The following FAM227A variants were observed in gnomAD, a reference collection of about 807,000 sequenced individuals.
FAM227A encodes the protein family with sequence similarity 227 member A.
FAM227A carries 80 observed loss-of-function variants against 74.7 expected under a neutral mutation model. The observed-to-expected ratio is 1.07, with a 90% confidence interval of 0.89 to 1.29. The LOEUF (loss-of-function observed/expected upper bound fraction) is 1.29, where lower values mean the gene tolerates loss of function less well. FAM227A is among the 50% of genes most tolerant of loss of function. The pLI, the probability that FAM227A is intolerant of heterozygous loss-of-function variation, is 0.00. For synonymous variants in FAM227A, 237 were observed against 241.8 expected, an observed-to-expected ratio of 0.98 and a Z score of 0.19; for missense variants, 654 against 683.4, an observed-to-expected ratio of 0.96 and a Z score of 0.48.
At position 38,656,388 on chromosome 22, in the gene FAM227A, T is replaced by A. The variant is rs1054837228; in HGVS notation, c.-363A>T. 1 of 152,352 alleles carries A rather than the reference T, an allele frequency of 6.6e-6. No individual in the cohort carries two copies. The highest frequency in any genetic ancestry group is 1.5e-5 in the Non-Finnish European group (1 of 68,166). 9.4% of individuals were successfully genotyped at this position (152,352 alleles called of 1,614,324 possible). A position where few individuals can be genotyped will look rare whatever the true frequency, so the allele number is the denominator to read the frequency against. ...AATGGAACCTTCGTGAGCCGCCGCG[T>A]TGTCCGCGAGATGCCGTTTCTATGG... On this transcript the variant is annotated 5_prime_UTR_variant, in exon 1 of 17. Coordinates refer to ENST00000535113, the MANE Select transcript of FAM227A (RefSeq NM_001013647.2).
intron 3 of FAM227A, among the ~76,000 whole-genome samples, chr22:38,642,893 A>C (rs2092146272): frequency 6.6e-6 from 1 of 151,992 alleles, no homozygotes; most frequent in Non-Finnish European, 1.5e-5. Flanking sequence ...TCCAGATTGC[A>C]CCACTGCACT....
chr22:38,626,891 A>AAAATATATATAT (rs1555966996), intron 8 of FAM227A, among the ~76,000 whole-genome samples: 2 of 57,684 alleles, frequency 3.5e-5, no homozygotes, highest in African/African-American at 1.8e-4. Context: ...AAAAAAAAAA[A>AAAATATATATAT]ATATATATAT....
Position 38,645,498 on chromosome 22 carries a change from C to G in FAM227A, c.225+65G>C, listed in dbSNP as rs2092217931. ...GAGAGGCCCCAGGGCACTGCAACAC[C>G]TTGATGATCCCCGGGGCCCTTCCCT... On this transcript the variant is annotated intron_variant, in intron 3 of 16. Coordinates refer to ENST00000535113, the MANE Select transcript of FAM227A (RefSeq NM_001013647.2). 5.5e-6 allele frequency: 6 copies of G among 1,085,244 alleles called. No homozygotes were observed. The East Asian group carries it at 1.3e-4, about 23-fold the overall frequency. The allele number at this position is 1,085,244 out of a possible 1,614,324, so 67.2% of individuals were successfully genotyped here.
At chr22:38,637,517 C>T (rs977769570) in intron 5 of FAM227A, among the ~76,000 whole-genome samples, 5 of 152,158 alleles carry the variant, frequency 3.3e-5, no homozygotes, top group African/African-American at 4.8e-5. Context: ...AACTAATTAC[C>T]GCCACCCAAA....
chr22:38,617,326 T>C (rs1332700533), intron 11 of FAM227A, among the ~76,000 whole-genome samples: 1 of 148,348 alleles, frequency 6.7e-6, no homozygotes, highest in East Asian at 2.0e-4. Context: ...GACAGAGTCT[T>C]GCTCCGTCAC....
intron 1 of FAM227A, among the ~76,000 whole-genome samples, chr22:38,653,291 T>C (rs373397884): frequency 9.2e-5 from 14 of 152,162 alleles, no homozygotes; most frequent in African/African-American, 3.1e-4. Context: ...CTCCCACTGA[T>C]TCTACATTAT....
intron 16 of FAM227A, among the ~76,000 whole-genome samples, chr22:38,587,173 A>G (rs1430407807): frequency 6.6e-6 from 1 of 152,244 alleles, no homozygotes; most frequent in African/African-American, 2.4e-5. Context: ...TAAAAACAAG[A>G]AACATCTCAA....
intron 10 of FAM227A, among the ~76,000 whole-genome samples, chr22:38,620,532 G>A (rs528023925): frequency 7.2e-5 from 11 of 152,222 alleles, no homozygotes; most frequent in Middle Eastern, 3.4e-3. Flanking sequence ...GGGCCGGCGC[G>A]GTGGCTCACG....
chr22:38,595,646 C>T (rs916557724), intron 15 of FAM227A, among the ~76,000 whole-genome samples: 1 of 152,180 alleles, frequency 6.6e-6, no homozygotes, highest in African/African-American at 2.4e-5. Context: ...GAAAGACAAA[C>T]ATGTGCTCTT....
chr22:38,641,500 G>A (rs1388345246), intron 3 of FAM227A, among the ~76,000 whole-genome samples: 2 of 148,198 alleles, frequency 1.3e-5, no homozygotes, highest in African/African-American at 5.0e-5. Flanking sequence ...GCAGTGAGCT[G>A]AGATCGCACC....
chr22:38,640,064 C>T (rs1206444197), intron 3 of FAM227A, among the ~76,000 whole-genome samples: 2 of 151,610 alleles, frequency 1.3e-5, no homozygotes, highest in South Asian at 2.1e-4. Flanking sequence ...GACGGAGTCT[C>T]GCTCTGTTGC....
At chr22:38,644,745 A>T (rs1237140328) in intron 3 of FAM227A, among the ~76,000 whole-genome samples, 1 of 152,172 alleles carries the variant, frequency 6.6e-6, no homozygotes, top group Non-Finnish European at 1.5e-5. Flanking sequence ...GTGTATGAAA[A>T]AAGTGTACTC....
In FAM227A at chr22:38,653,527, C is replaced by T. The variant is rs572991239; in HGVS notation, c.-95+2593G>A. Among the ~76,000 whole-genome samples the T allele has an allele frequency of 1.2e-3, 179 of 152,150 alleles. No homozygotes were observed. In the Middle Eastern group the frequency reaches 0.014, roughly 12 times the overall value. On this transcript the variant is annotated intron_variant, in intron 1 of 16. Coordinates refer to ENST00000535113, the MANE Select transcript of FAM227A (RefSeq NM_001013647.2). ...AAGTAGCTGGGATTACAGGTGCACG[C>T]CACCATGCCTGGCTAATTTTTGTAT...
chr22:38,602,787 C>T (rs539263649), intron 13 of FAM227A, among the ~76,000 whole-genome samples: 1 of 152,318 alleles, frequency 6.6e-6, no homozygotes, highest in South Asian at 2.1e-4. Flanking sequence ...CGTCCTTCCC[C>T]TTTCCTAACA....
At chr22:38,607,320 A>C in intron 12 of FAM227A, 69 bp downstream of exon 12, 2 of 1,239,686 alleles carry the variant, frequency 1.6e-6, no homozygotes, top group Non-Finnish European at 2.3e-6. Context: ...TACGAACCCA[A>C]GAAACCAGGG....
chr22:38,618,042 G>A (rs2091614284), intron 11 of FAM227A, among the ~76,000 whole-genome samples: 1 of 152,192 alleles, frequency 6.6e-6, no homozygotes. Context: ...GAAGGAAAGG[G>A]ACATTGGCCT....
In FAM227A at chr22:38,628,245, A is replaced by G; in HGVS notation, c.719T>C (p.Leu240Pro). 6.5e-7 allele frequency: 1 copy of G among 1,542,486 alleles called. No homozygotes were observed. The highest frequency in any genetic ancestry group is 1.4e-5 in the African/African-American group (1 of 72,972). ...ATAGTGGCTGATGCTCACTTTTAAG[A>G]GCGCCTCTTCAGAGTGGGACTTGGG... is the stretch of plus-strand genomic sequence containing the variant. ...RVPKSHSEEA[L>P]LKRLPSLLSK... The change falls in exon 8 of 17, where the codon CTC becomes CCC. Residue 240 changes from leucine to proline, a missense_variant. Leu to Pro is a moderately conservative substitution (Grantham distance 98, BLOSUM62 -3). Transcript: ENST00000535113.
At chr22:38,632,130 C>G (rs1195888863) in intron 6 of FAM227A, among the ~76,000 whole-genome samples, 1 of 152,058 alleles carries the variant, frequency 6.6e-6, no homozygotes, top group Non-Finnish European at 1.5e-5. Flanking sequence ...GCCTGAGGGG[C>G]ACTGAGGTTA....
At chr22:38,633,635 G>C (rs1229736519) in intron 6 of FAM227A, among the ~76,000 whole-genome samples, 3 of 152,114 alleles carry the variant, frequency 2.0e-5, no homozygotes, top group Non-Finnish European at 4.4e-5. Context: ...TCCACCTCCC[G>C]GGTTCAAGCA....
Sources: allele counts gnomAD v4.1 joint callset (sites outside exome capture counted in the v4.1 genomes callset), GRCh38; gene constraint gnomAD v4.1.1; transcripts MANE v1.5; gene names NCBI Gene and HGNC (gene_info 2026-07-23, HGNC 2026-07-21).